The following TLN2 variants were observed in gnomAD, a reference collection of about 807,000 sequenced individuals.
The protein encoded by TLN2 is talin-2.
A neutral mutation model predicts 294.7 loss-of-function variants in TLN2; 118 were observed. That is an observed-to-expected ratio of 0.40 (90% CI 0.34 to 0.47). The LOEUF (loss-of-function observed/expected upper bound fraction) is 0.47. Among genes scored for constraint, TLN2 ranks in the 20% least tolerant of loss-of-function variants. TLN2 has a pLI of 0.84. For missense variants in TLN2, 3,083 were observed against 3,282.2 expected (o/e 0.94, Z 1.48); for synonymous variants, 1,431 against 1,304.5 (o/e 1.10, Z -2.09).
intron 1 of TLN2, among the ~76,000 whole-genome samples, chr15:62,405,336 T>G (rs2033328191): frequency 6.6e-6 from 1 of 152,174 alleles, no homozygotes; most frequent in Admixed American, 6.5e-5. Flanking sequence ...GCCAGGGGAC[T>G]GGGGACAGGC....
intron 16 of TLN2, 118 bp from the exon 17 acceptor site, chr15:62,700,988 T>A: frequency 1.2e-6 from 1 of 825,816 alleles, no homozygotes; most frequent in Non-Finnish European, 2.0e-6. Context: ...GCCCTGTCGG[T>A]GCTGGCCTCA....
At chr15:62,550,812 C>T (rs2042253306) in intron 1 of TLN2, among the ~76,000 whole-genome samples, 1 of 152,126 alleles carries the variant, frequency 6.6e-6, no homozygotes, top group African/African-American at 2.4e-5. Context: ...CTAGAGGTCC[C>T]CAACCTTTTT....
At chr15:62,668,439 G>T (rs948967288) in intron 9 of TLN2, among the ~76,000 whole-genome samples, 4 of 152,150 alleles carry the variant, frequency 2.6e-5, no homozygotes, top group African/African-American at 9.7e-5. Flanking sequence ...TCCCCTAAAT[G>T]TGTTAAATTC....
chr15:62,443,705 TA>T (rs1323433128), intron 1 of TLN2, among the ~76,000 whole-genome samples: 2 of 152,138 alleles, frequency 1.3e-5, no homozygotes, highest in Non-Finnish European at 2.9e-5. Flanking sequence ...AGGGTGTGTA[TA>T]AAATGGGAGT....
chr15:62,553,522 T>A (rs1429704312), intron 1 of TLN2, among the ~76,000 whole-genome samples: 1 of 152,308 alleles, frequency 6.6e-6, no homozygotes, highest in African/African-American at 2.4e-5. Context: ...TTGATTCATG[T>A]TAGAGAAAAT....
At chr15:62,459,257 C>T (rs1595855992) in intron 1 of TLN2, among the ~76,000 whole-genome samples, 1 of 150,818 alleles carries the variant, frequency 6.6e-6, no homozygotes, top group African/African-American at 2.4e-5. Context: ...ACCTTGGCCT[C>T]CCAAAGTGCT....
intron 1 of TLN2, among the ~76,000 whole-genome samples, chr15:62,393,991 G>C (rs1435399465): frequency 6.6e-6 from 1 of 151,994 alleles, no homozygotes; most frequent in East Asian, 1.9e-4. Context: ...GGCCAGGCTG[G>C]TCTCGAACTC....
intron 43 of TLN2, among the ~76,000 whole-genome samples, chr15:62,778,611 G>A (rs903097045): frequency 2.0e-5 from 3 of 152,224 alleles, no homozygotes; most frequent in Non-Finnish European, 4.4e-5. Flanking sequence ...ATGGGCTGTG[G>A]ACAGAGAGAG....
At chr15:62,405,428 A>T (rs2033334344) in intron 1 of TLN2, among the ~76,000 whole-genome samples, 1 of 152,144 alleles carries the variant, frequency 6.6e-6, no homozygotes, top group South Asian at 2.1e-4. Flanking sequence ...ATCTCAACTG[A>T]CTGTGTCGCA....
chr15:62,746,354 C>G (rs1272132773), intron 32 of TLN2, among the ~76,000 whole-genome samples: 1 of 152,176 alleles, frequency 6.6e-6, no homozygotes, highest in African/African-American at 2.4e-5. Flanking sequence ...ACTACACCCT[C>G]CGCAATCCTT....
At chr15:62,593,622 T>C (rs2046256401) in intron 2 of TLN2, among the ~76,000 whole-genome samples, 1 of 152,210 alleles carries the variant, frequency 6.6e-6, no homozygotes, top group Non-Finnish European at 1.5e-5. Context: ...TGCAATTGAG[T>C]ATTTTTCTAT....
At chr15:62,609,141 G>T (rs2047700657) in intron 2 of TLN2, among the ~76,000 whole-genome samples, 1 of 152,030 alleles carries the variant, frequency 6.6e-6, no homozygotes, top group East Asian at 1.9e-4. Flanking sequence ...ACTGTTCTAT[G>T]TTACACAGCC....
At chr15:62,570,395 T>A (rs2043769370) in intron 1 of TLN2, among the ~76,000 whole-genome samples, 1 of 152,224 alleles carries the variant, frequency 6.6e-6, no homozygotes, top group South Asian at 2.1e-4. Context: ...CTAGACCCTC[T>A]TGTGTTCCTG....
At chr15:62,682,614 A>G (rs1304614478) in intron 11 of TLN2, among the ~76,000 whole-genome samples, 1 of 152,176 alleles carries the variant, frequency 6.6e-6, no homozygotes, top group Non-Finnish European at 1.5e-5. Flanking sequence ...TGAGGTTTAA[A>G]TAAGTTAATA....
At chr15:62,462,657 TGA>T (rs2036870034) in intron 1 of TLN2, among the ~76,000 whole-genome samples, 1 of 152,092 alleles carries the variant, frequency 6.6e-6, no homozygotes, top group African/African-American at 2.4e-5. Flanking sequence ...GGCTGAATAA[TGA>T]GAGACCAGAG....
chr15:62,649,850 C>A, intron 4 of TLN2: 1 of 466,782 alleles, frequency 2.1e-6, no homozygotes, highest in Non-Finnish European at 3.9e-6. Flanking sequence ...AACTACAGCC[C>A]ACTGGTTTTA....
intron 28 of TLN2, among the ~76,000 whole-genome samples, chr15:62,730,067 T>C (rs75473248): frequency 9.3e-6 from 1 of 106,956 alleles, no homozygotes; most frequent in African/African-American, 3.4e-5. Context: ...TCTCATGCTG[T>C]TGTCAGGCTG....
intron 58 of TLN2, 93 bp from the exon 59 acceptor site, chr15:62,840,389 C>T (rs981505196): frequency 7.2e-6 from 11 of 1,517,854 alleles, no homozygotes; most frequent in Admixed American, 2.0e-5. Flanking sequence ...GTCCCACGGT[C>T]GCGGGAGCCG....
chr15:62,759,146 G>A (rs1223341375), intron 37 of TLN2, among the ~76,000 whole-genome samples: 1 of 152,160 alleles, frequency 6.6e-6, no homozygotes, highest in Non-Finnish European at 1.5e-5. Context: ...AAACTCTCAT[G>A]CTTGCTTGAA....
Sources: allele counts gnomAD v4.1 joint callset (sites outside exome capture counted in the v4.1 genomes callset), GRCh38; gene constraint gnomAD v4.1.1; transcripts MANE v1.5; gene names NCBI Gene and HGNC (gene_info 2026-07-23, HGNC 2026-07-21).